Variants in DPP10 observed in about 807,000 individuals in gnomAD.
The protein encoded by DPP10 is dipeptidyl peptidase like 10.
In DPP10, 33 loss-of-function variants were observed where a neutral mutation model predicts 120.9. That is an observed-to-expected ratio of 0.27 (90% CI 0.21 to 0.37). DPP10 has a LOEUF of 0.37. Among genes scored for constraint, DPP10 ranks in the 10% least tolerant of loss-of-function variants. The probability of loss-of-function intolerance (pLI) is 1.00; values close to 1 mark genes in which losing one functional copy is unlikely to be tolerated. For missense variants in DPP10, 816 were observed against 942.8 expected, an observed-to-expected ratio of 0.87 and a Z score of 1.76; for synonymous variants, 337 against 326.1, an observed-to-expected ratio of 1.03 and a Z score of -0.36.
intron 8 of DPP10, among the ~76,000 whole-genome samples, chr2:115,733,940 T>G (rs1248180527): frequency 1.3e-5 from 2 of 152,218 alleles, no homozygotes; most frequent in African/African-American, 4.8e-5. Context: ...ATAATATAAT[T>G]AACATTGGAA....
At chr2:115,397,285 C>T (rs896875839) in intron 3 of DPP10, among the ~76,000 whole-genome samples, 6 of 152,160 alleles carry the variant, frequency 3.9e-5, no homozygotes, top group African/African-American at 1.4e-4. Context: ...AGTTAATAAA[C>T]TCACTGTGAA....
chr2:114,779,911 C>A (rs888288037), intron 1 of DPP10, among the ~76,000 whole-genome samples: 2 of 151,992 alleles, frequency 1.3e-5, no homozygotes, highest in South Asian at 2.1e-4. Context: ...CCAAGGCGGG[C>A]GGATCACGAG....
chr2:114,659,520 AT>A (rs1041346428), intron 1 of DPP10, among the ~76,000 whole-genome samples: 10 of 149,560 alleles, frequency 6.7e-5, no homozygotes, highest in East Asian at 2.0e-4. Context: ...GCCTACTTCT[AT>A]TTTTTTTTTC....
intron 1 of DPP10, among the ~76,000 whole-genome samples, chr2:115,186,794 A>G (rs1039915521): frequency 6.6e-6 from 1 of 152,122 alleles, no homozygotes; most frequent in African/African-American, 2.4e-5. Flanking sequence ...CTTGGGCTTT[A>G]CCCTAGAAGA....
intron 1 of DPP10, among the ~76,000 whole-genome samples, chr2:115,034,239 C>T (rs1285694260): frequency 3.3e-5 from 5 of 152,042 alleles, no homozygotes; most frequent in Non-Finnish European, 7.4e-5. Context: ...TTCCTTTTTA[C>T]TCCTGATTTT....
chr2:115,691,394 G>A (rs2091307431), intron 7 of DPP10, among the ~76,000 whole-genome samples: 1 of 151,750 alleles, frequency 6.6e-6, no homozygotes, highest in African/African-American at 2.4e-5. Flanking sequence ...GCTTTTTTTG[G>A]TATGGTATTA....
intron 1 of DPP10, among the ~76,000 whole-genome samples, chr2:115,212,350 G>T (rs139609561): frequency 6.6e-6 from 1 of 152,276 alleles, no homozygotes; most frequent in African/African-American, 2.4e-5. Context: ...TACATGACAT[G>T]CACCAGTGTT....
chr2:114,857,718 G>C (rs1252321798), intron 1 of DPP10, among the ~76,000 whole-genome samples: 1 of 152,166 alleles, frequency 6.6e-6, no homozygotes, highest in Admixed American at 6.5e-5. Flanking sequence ...CACTAATGTA[G>C]TACGAAGACT....
At chr2:115,524,727 C>A (rs759704733) in intron 4 of DPP10, among the ~76,000 whole-genome samples, 34 of 152,124 alleles carry the variant, frequency 2.2e-4, no homozygotes, top group Non-Finnish European at 3.7e-4. Context: ...CGCCTCCCCT[C>A]ACAAAGAGTC....
At chr2:114,936,134 C>T (rs1357136620) in intron 1 of DPP10, among the ~76,000 whole-genome samples, 1 of 152,068 alleles carries the variant, frequency 6.6e-6, no homozygotes, top group Non-Finnish European at 1.5e-5. Context: ...TTTTATCCCT[C>T]ACCTGCTTCC....
At chr2:114,862,790 C>T (rs751628109) in intron 1 of DPP10, among the ~76,000 whole-genome samples, 7 of 148,328 alleles carry the variant, frequency 4.7e-5, no homozygotes, top group South Asian at 2.2e-4. Flanking sequence ...AGTCAGTCTA[C>T]AATACATGAA....
rs1053049603 is a variant in DPP10, at chr2:115,636,432, A to G, written c.442-53255A>G. On this transcript the variant is annotated intron_variant, in intron 5 of 25. Coordinates refer to ENST00000410059, the MANE Select transcript of DPP10 (RefSeq NM_020868.6). ...GTTGTATAATTTTATTAAACTGTTT[A>G]TTTTTCTCAGGTGTGGTAATGGTGT... is the stretch of plus-strand genomic sequence containing the variant. Among the ~76,000 whole-genome samples the G allele has an allele frequency of 3.9e-5, 6 of 152,032 alleles. 1 individual carries two copies. Among genetic ancestry groups the G allele is most frequent in the African/African-American group, 1.4e-4 (6 of 41,388 alleles).
chr2:115,284,232 T>C (rs749615993), intron 1 of DPP10, among the ~76,000 whole-genome samples: 63 of 152,166 alleles, frequency 4.1e-4, no homozygotes, highest in Middle Eastern at 6.8e-3. Context: ...GTTAGTGATA[T>C]ACCCTATTCG....
chr2:115,094,110 T>G (rs1709515761), intron 1 of DPP10, among the ~76,000 whole-genome samples: 1 of 152,074 alleles, frequency 6.6e-6, no homozygotes. Context: ...GAAATGTGAG[T>G]GACGGAGTTC....
intron 1 of DPP10, among the ~76,000 whole-genome samples, chr2:114,551,145 C>T (rs1687852740): frequency 6.6e-6 from 1 of 152,162 alleles, no homozygotes; most frequent in Non-Finnish European, 1.5e-5. Flanking sequence ...TGCTTGCTAT[C>T]AAGGATGATC....
chr2:114,652,954 G>T (rs953094948), intron 1 of DPP10, among the ~76,000 whole-genome samples: 19 of 150,532 alleles, frequency 1.3e-4, no homozygotes, highest in Non-Finnish European at 2.7e-4. Context: ...ACCACCAATG[G>T]GCATCTTGTT....
At chr2:115,437,532 TA>T (rs966059774) in intron 3 of DPP10, among the ~76,000 whole-genome samples, 9 of 152,030 alleles carry the variant, frequency 5.9e-5, no homozygotes, top group African/African-American at 2.2e-4. Context: ...TTCAGGTTGA[TA>T]AGCTCAACTT....
chr2:115,415,225 C>T (rs80000350), intron 3 of DPP10, among the ~76,000 whole-genome samples: 1,569 of 152,172 alleles, frequency 0.01, 36 homozygotes, highest in African/African-American at 0.036. Flanking sequence ...TCTCAGCACC[C>T]GTTTATCTGG....
At chr2:115,339,128 A>G (rs1016238122) in intron 2 of DPP10, among the ~76,000 whole-genome samples, 1 of 152,194 alleles carries the variant, frequency 6.6e-6, no homozygotes, top group Non-Finnish European at 1.5e-5. Flanking sequence ...CCAACGAAAT[A>G]ATTCAGTTAG....
Sources: gnomAD v4.1 joint callset for allele counts (sites outside exome capture counted in the v4.1 genomes callset) on GRCh38, gnomAD v4.1.1 for gene constraint, MANE v1.5 for transcripts, NCBI Gene and HGNC (gene_info 2026-07-23, HGNC 2026-07-21) for gene names.